Variants in IL22RA2 observed in about 807,000 individuals in gnomAD.
The protein encoded by IL22RA2 is interleukin 22 receptor subunit alpha 2.
IL22RA2 carries 39 observed loss-of-function variants against 30.7 expected under a neutral mutation model. That is an observed-to-expected ratio of 1.27 (90% CI 0.98 to 1.66). The LOEUF (loss-of-function observed/expected upper bound fraction) is 1.66. IL22RA2 is among the 40% of genes most tolerant of loss of function. The pLI is 0.00. For missense variants in IL22RA2, 315 were observed against 312.7 expected, an observed-to-expected ratio of 1.01 and a Z score of -0.05; for synonymous variants, 103 against 105.0, an observed-to-expected ratio of 0.98 and a Z score of 0.11.
intron 1 of IL22RA2, among the ~76,000 whole-genome samples, chr6:137,170,228 T>G (rs1562275363): frequency 6.6e-6 from 1 of 152,206 alleles, no homozygotes; most frequent in Admixed American, 6.5e-5. Flanking sequence ...TAATCTACAT[T>G]TGTGTCGAGC....
chr6:137,164,292 C>T (rs866074862), intron 1 of IL22RA2, among the ~76,000 whole-genome samples: 7 of 152,222 alleles, frequency 4.6e-5, no homozygotes, highest in Middle Eastern at 3.4e-3. Context: ...CCGAGTGTTT[C>T]GGGTGGTCAC....
Position 137,167,819 on chromosome 6 carries a change from G to A in IL22RA2, c.-66+5594C>T, listed in dbSNP as rs551721204. On this transcript the variant is annotated intron_variant, in intron 1 of 6. Coordinates refer to ENST00000296980, the MANE Select transcript of IL22RA2 (RefSeq NM_052962.3). ...ACTGCCCTGCTTCAACCACACCAGA[G>A]GCTGGTTGGTCCACGCACGGCTGAA... Among the ~76,000 whole-genome samples the A allele has an allele frequency of 7.9e-5, 12 of 152,290 alleles. No individual in the cohort carries two copies. In the East Asian group the frequency reaches 2.3e-3, roughly 29 times the overall value.
chr6:137,157,668 C>G (rs1054807606), intron 3 of IL22RA2, among the ~76,000 whole-genome samples: 1 of 151,844 alleles, frequency 6.6e-6, no homozygotes, highest in African/African-American at 2.4e-5. Flanking sequence ...AGGATTGAGC[C>G]TCAACCCCCC....
intron 1 of IL22RA2, among the ~76,000 whole-genome samples, chr6:137,171,765 T>G (rs1304811689): frequency 1.3e-5 from 2 of 152,192 alleles, no homozygotes; most frequent in East Asian, 3.8e-4. Context: ...ACTATCAATT[T>G]TCATTTAACA....
chr6:137,163,396 T>A (rs546874525), intron 1 of IL22RA2, among the ~76,000 whole-genome samples: 5 of 152,154 alleles, frequency 3.3e-5, no homozygotes, highest in Non-Finnish European at 7.3e-5. Flanking sequence ...GGATTGGAGA[T>A]GGCAGATTTT....
intron 5 of IL22RA2, among the ~76,000 whole-genome samples, chr6:137,152,773 C>T (rs1778316159): frequency 6.6e-6 from 1 of 152,190 alleles, no homozygotes; most frequent in African/African-American, 2.4e-5. Context: ...TCTATTTCCC[C>T]AGTGTCCTGT....
At chr6:137,154,142 A>G (rs1259257188) in intron 5 of IL22RA2, among the ~76,000 whole-genome samples, 1 of 152,194 alleles carries the variant, frequency 6.6e-6, no homozygotes, top group Non-Finnish European at 1.5e-5. Context: ...TAAACTAAAA[A>G]AGGAATAAAT....
intron 1 of IL22RA2, among the ~76,000 whole-genome samples, chr6:137,169,133 G>C (rs1778682786): frequency 6.6e-6 from 1 of 152,198 alleles, no homozygotes; most frequent in East Asian, 1.9e-4. Flanking sequence ...GGCTATTAAG[G>C]AACCCCATCA....
chr6:137,154,652 C>A, intron 5 of IL22RA2, among the ~76,000 whole-genome samples: 1 of 149,934 alleles, frequency 6.7e-6, no homozygotes, highest in Middle Eastern at 3.4e-3. Context: ...CACAAGGTGA[C>A]AAATTGATGG....
chr6:137,163,955 G>A (rs1303542481), intron 1 of IL22RA2, among the ~76,000 whole-genome samples: 2 of 152,152 alleles, frequency 1.3e-5, no homozygotes, highest in Non-Finnish European at 2.9e-5. Flanking sequence ...ACGGCCCAGA[G>A]GACCAGCTCC....
intron 1 of IL22RA2, among the ~76,000 whole-genome samples, chr6:137,165,412 A>G (rs1778607808): frequency 1.3e-5 from 2 of 152,218 alleles, no homozygotes; most frequent in Admixed American, 1.3e-4. Context: ...TACCCAGCTT[A>G]TCCAGGTGGC....
In IL22RA2 at chr6:137,147,965, C is replaced by T. The variant is rs1778214439; in HGVS notation, c.473-74G>A. 34 of 1,354,198 alleles carry T rather than the reference C, an allele frequency of 2.5e-5. 1 individual carries two copies. The South Asian group carries it at 4.2e-4, about 17-fold the overall frequency. The allele number at this position is 1,354,198 out of a possible 1,614,324, so 83.9% of individuals were successfully genotyped here. ...TATACAGACGCATTATGTATAATGA[C>T]AAATCAGCATGGTGGGAGGATCACC... On this transcript the variant is annotated intron_variant, in intron 5 of 6. Coordinates refer to ENST00000296980, the MANE Select transcript of IL22RA2 (RefSeq NM_052962.3).
At chr6:137,158,615 G>GCC (rs2114375291) in intron 2 of IL22RA2, 133 bp from the exon 3 acceptor site, 1 of 833,492 alleles carries the variant, frequency 1.2e-6, no homozygotes, top group South Asian at 1.7e-5. Context: ...TAGAGGTGGA[G>GCC]CCCAGAAATC....
intron 2 of IL22RA2, among the ~76,000 whole-genome samples, chr6:137,158,789 T>C (rs13218756): frequency 6.6e-6 from 1 of 152,112 alleles, no homozygotes; most frequent in African/African-American, 2.4e-5. Context: ...TGTTCCCAAA[T>C]AGTGATGGAA....
chr6:137,160,403 G>T (rs1778498430), intron 2 of IL22RA2, among the ~76,000 whole-genome samples: 1 of 152,258 alleles, frequency 6.6e-6, no homozygotes, highest in East Asian at 1.9e-4. Flanking sequence ...ACGAAGCCTT[G>T]GACACCTGAA....
At chr6:137,159,363 C>T (rs1778472607) in intron 2 of IL22RA2, among the ~76,000 whole-genome samples, 2 of 152,082 alleles carry the variant, frequency 1.3e-5, no homozygotes, top group Admixed American at 6.5e-5. Flanking sequence ...TCTTGTCGCC[C>T]TGGCTGGAGT....
rs912646741 is a variant in IL22RA2 at position 137,156,672 on chromosome 6, G to A, written c.293+87C>T. 14 of 1,533,092 alleles carry A rather than the reference G, an allele frequency of 9.1e-6. No individual in the cohort carries two copies. The African/African-American group carries it at 1.8e-4, about 19-fold the overall frequency. The allele number at this position is 1,533,092 out of a possible 1,614,324, so 95.0% of individuals were successfully genotyped here. On this transcript the variant is annotated intron_variant, in intron 4 of 6. Transcript: ENST00000296980. ...CAGGAATGGATTCAGGTATTCTGGG[G>A]TCTGAAATTTATACAATCTTGGTCC... is the stretch of plus-strand genomic sequence containing the variant.
chr6:137,149,361 A>G (rs374782889), intron 5 of IL22RA2, among the ~76,000 whole-genome samples: 146 of 152,286 alleles, frequency 9.6e-4, no homozygotes, highest in African/African-American at 3.4e-3. Flanking sequence ...ATTCAAAACC[A>G]AACTCATAAT....
chr6:137,161,288 G>A (rs778213557), intron 2 of IL22RA2, among the ~76,000 whole-genome samples: 2 of 152,194 alleles, frequency 1.3e-5, no homozygotes, highest in Non-Finnish European at 2.9e-5. Context: ...GACCATGATA[G>A]CTTGGCTTAG....
Sources: allele counts gnomAD v4.1 joint callset (sites outside exome capture counted in the v4.1 genomes callset), GRCh38; gene constraint gnomAD v4.1.1; transcripts MANE v1.5; gene names NCBI Gene and HGNC (gene_info 2026-07-23, HGNC 2026-07-21).